The following SLC25A21 variants were observed in gnomAD, a reference collection of about 807,000 sequenced individuals.
SLC25A21 encodes solute carrier family 25 member 21.
In SLC25A21, 47 loss-of-function variants were observed where a neutral mutation model predicts 43.8. That is an observed-to-expected ratio of 1.07 (90% CI 0.85 to 1.37). The LOEUF (loss-of-function observed/expected upper bound fraction) is 1.37. Among genes scored for constraint, SLC25A21 ranks in the 40% most tolerant of loss-of-function variants. The pLI is 0.00. For missense variants in SLC25A21, 352 were observed against 350.2 expected, an observed-to-expected ratio of 1.00 and a Z score of -0.04; for synonymous variants, 131 against 121.3, an observed-to-expected ratio of 1.08 and a Z score of -0.52.
intron 1 of SLC25A21, among the ~76,000 whole-genome samples, chr14:37,142,552 G>A (rs1029021284): frequency 6.6e-5 from 10 of 152,008 alleles, no homozygotes; most frequent in African/African-American, 2.2e-4. Context: ...TTGTAGAGAC[G>A]AGGTCTCACT....
At chr14:36,904,985 T>C (rs777399905) in intron 1 of SLC25A21, among the ~76,000 whole-genome samples, 2 of 152,158 alleles carry the variant, frequency 1.3e-5, no homozygotes, top group Non-Finnish European at 2.9e-5. Flanking sequence ...GGTAAACCTA[T>C]TTAGATATGA....
chr14:36,829,619 T>G lies in SLC25A21; in HGVS notation c.120-15618A>C, dbSNP rs140785523. Among the ~76,000 whole-genome samples the G allele has an allele frequency of 2.2e-4, 33 of 152,334 alleles. No individual in the cohort carries two copies. The East Asian group carries it at 3.7e-3, about 17-fold the overall frequency. On this transcript the variant is annotated intron_variant, in intron 2 of 9. Coordinates refer to ENST00000331299, the MANE Select transcript of SLC25A21 (RefSeq NM_030631.4). ...ACAAACTGTCTTCAATTTATCCTAC[T>G]TTTGGAGTGCCGTCTGTTTCTCTCA...
At chr14:36,757,413 T>C (rs1271894474) in intron 3 of SLC25A21, among the ~76,000 whole-genome samples, 1 of 152,192 alleles carries the variant, frequency 6.6e-6, no homozygotes, top group Non-Finnish European at 1.5e-5. Context: ...ACACTCTCAA[T>C]TTCTGTGCTT....
At chr14:37,034,024 C>T (rs1054522429) in intron 1 of SLC25A21, among the ~76,000 whole-genome samples, 3 of 147,928 alleles carry the variant, frequency 2.0e-5, no homozygotes, top group Admixed American at 1.3e-4. Context: ...CACAATTTTG[C>T]TTTTTTTTTT....
chr14:36,936,907 G>A (rs146952802), intron 1 of SLC25A21, among the ~76,000 whole-genome samples: 250 of 152,214 alleles, frequency 1.6e-3, no homozygotes, highest in African/African-American at 5.2e-3. Flanking sequence ...ACTTTGCTGC[G>A]TGTATTCCTG....
chr14:37,072,994 T>C (rs939868968), intron 1 of SLC25A21, among the ~76,000 whole-genome samples: 2 of 152,240 alleles, frequency 1.3e-5, no homozygotes, highest in East Asian at 1.9e-4. Context: ...ACTCTTTATC[T>C]TGGTTCCTAG....
intron 2 of SLC25A21, among the ~76,000 whole-genome samples, chr14:36,846,538 C>T (rs1045686314): frequency 1.1e-4 from 16 of 152,098 alleles, no homozygotes; most frequent in African/African-American, 3.9e-4. Flanking sequence ...CCTGCCACCA[C>T]ACCCAGCCAA....
chr14:36,712,456 C>A (rs1183719424), intron 6 of SLC25A21, among the ~76,000 whole-genome samples: 3 of 151,848 alleles, frequency 2.0e-5, no homozygotes, highest in Non-Finnish European at 2.9e-5. Flanking sequence ...CACTTTCAGA[C>A]TAAAAGTATT....
At chr14:36,728,156 C>T (rs2139217294) in intron 5 of SLC25A21, among the ~76,000 whole-genome samples, 1 of 152,152 alleles carries the variant, frequency 6.6e-6, no homozygotes, top group African/African-American at 2.4e-5. Context: ...CACCAGGGGA[C>T]ATTTAACAGC....
At chr14:37,016,985 C>T (rs559021371) in intron 1 of SLC25A21, among the ~76,000 whole-genome samples, 20 of 152,138 alleles carry the variant, frequency 1.3e-4, no homozygotes, top group African/African-American at 4.6e-4. Context: ...GGCCATGGCT[C>T]GTTTGATCTT....
chr14:37,127,692 A>C (rs1269738243), intron 1 of SLC25A21, among the ~76,000 whole-genome samples: 9 of 152,204 alleles, frequency 5.9e-5, no homozygotes, highest in Admixed American at 5.9e-4. Context: ...CCAGGTCTCT[A>C]ACTGACTGCT....
intron 3 of SLC25A21, among the ~76,000 whole-genome samples, chr14:36,801,839 G>T (rs992079714): frequency 6.6e-6 from 1 of 152,160 alleles, no homozygotes; most frequent in Non-Finnish European, 1.5e-5. Context: ...GACAGGAAGT[G>T]CTTTAAGGAG....
intron 1 of SLC25A21, among the ~76,000 whole-genome samples, chr14:37,091,302 C>T (rs943896823): frequency 6.6e-6 from 1 of 152,000 alleles, no homozygotes; most frequent in East Asian, 1.9e-4. Flanking sequence ...GGTGTGGTAG[C>T]ACACACCTGT....
chr14:36,709,783 T>C (rs1204456224), intron 7 of SLC25A21, among the ~76,000 whole-genome samples: 3 of 151,610 alleles, frequency 2.0e-5, no homozygotes, highest in Non-Finnish European at 2.9e-5. Context: ...TACTGAAGAG[T>C]CTGGTTAGCC....
intron 1 of SLC25A21, among the ~76,000 whole-genome samples, chr14:37,040,602 T>TA (rs954515567): frequency 2.0e-5 from 3 of 151,554 alleles, no homozygotes; most frequent in Non-Finnish European, 4.4e-5. Context: ...TAAATAATAA[T>TA]AAAAAATGAC....
At chr14:37,071,551 G>T (rs1195120261) in intron 1 of SLC25A21, among the ~76,000 whole-genome samples, 1 of 152,238 alleles carries the variant, frequency 6.6e-6, no homozygotes, top group Non-Finnish European at 1.5e-5. Flanking sequence ...CTATGTTTTT[G>T]ATAATCATTA....
chr14:36,781,927 G>C (rs1021352820), intron 3 of SLC25A21, among the ~76,000 whole-genome samples: 1 of 152,094 alleles, frequency 6.6e-6, no homozygotes, highest in Non-Finnish European at 1.5e-5. Flanking sequence ...AGACAGATCG[G>C]GTGGTGATGA....
At chr14:37,143,344 C>T (rs1283758851) in intron 1 of SLC25A21, among the ~76,000 whole-genome samples, 1 of 152,232 alleles carries the variant, frequency 6.6e-6, no homozygotes, top group Non-Finnish European at 1.5e-5. Flanking sequence ...CCTTTCTGCA[C>T]TGCACATTCC....
intron 2 of SLC25A21, among the ~76,000 whole-genome samples, chr14:36,847,317 T>C (rs1225977849): frequency 6.6e-6 from 1 of 152,178 alleles, no homozygotes. Flanking sequence ...TACCCAGCCA[T>C]CAGAGATGTA....
Sources: allele counts gnomAD v4.1 joint callset (sites outside exome capture counted in the v4.1 genomes callset), GRCh38; gene constraint gnomAD v4.1.1; transcripts MANE v1.5; gene names NCBI Gene and HGNC (gene_info 2026-07-23, HGNC 2026-07-21).